The following NOS1AP variants were observed in gnomAD, a reference collection of about 807,000 sequenced individuals.
NOS1AP encodes nitric oxide synthase 1 adaptor protein.
A neutral mutation model predicts 56.2 loss-of-function variants in NOS1AP; 21 were observed. The observed-to-expected ratio is 0.37, with a 90% CI of 0.26 to 0.54. NOS1AP has a LOEUF of 0.54. Ranked by LOEUF, NOS1AP falls within the 20% of genes least tolerant of loss-of-function variation. The pLI, the probability that NOS1AP is intolerant of heterozygous loss-of-function variation, is 0.84. For synonymous variants in NOS1AP, 270 were observed against 274.6 expected (o/e 0.98, Z 0.17); for missense variants, 522 against 657.8 (o/e 0.79, Z 2.26).
intron 2 of NOS1AP, among the ~76,000 whole-genome samples, chr1:162,205,204 A>G (rs1355917971): frequency 6.6e-6 from 1 of 152,252 alleles, no homozygotes; most frequent in African/African-American, 2.4e-5. Context: ...TTATTGAGCA[A>G]ACATTTATTG....
chr1:162,254,263 T>C (rs1653955952), intron 2 of NOS1AP, among the ~76,000 whole-genome samples: 1 of 152,176 alleles, frequency 6.6e-6, no homozygotes, highest in Non-Finnish European at 1.5e-5. Context: ...AAGGCCTTCT[T>C]CTTGTATCAG....
chr1:162,216,644 G>A (rs1652578941), intron 2 of NOS1AP, among the ~76,000 whole-genome samples: 1 of 152,194 alleles, frequency 6.6e-6, no homozygotes, highest in African/African-American at 2.4e-5. Context: ...ATTGCAGATA[G>A]CATGACAAAC....
At chr1:162,206,393 G>A (rs1254369711) in intron 2 of NOS1AP, among the ~76,000 whole-genome samples, 1 of 152,222 alleles carries the variant, frequency 6.6e-6, no homozygotes, top group Non-Finnish European at 1.5e-5. Context: ...ACATCTGCAA[G>A]TCAAATCTGT....
chr1:162,084,977 A>G (rs1349371305), intron 1 of NOS1AP, among the ~76,000 whole-genome samples: 2 of 152,062 alleles, frequency 1.3e-5, no homozygotes, highest in African/African-American at 2.4e-5. Flanking sequence ...AGTGTTTTCT[A>G]TGGTATTTTT....
intron 2 of NOS1AP, among the ~76,000 whole-genome samples, chr1:162,155,288 A>ATATATATGTATATATATG (rs1557808084): frequency 7.0e-6 from 1 of 141,866 alleles, no homozygotes; most frequent in Admixed American, 7.1e-5. Flanking sequence ...ACACATATAT[A>ATATATATGTATATATATG]CATATATATG....
At chr1:162,364,336 G>C (rs1331133030) in intron 8 of NOS1AP, 2 of 985,314 alleles carry the variant, frequency 2.0e-6, no homozygotes, top group Non-Finnish European at 2.4e-6. Context: ...AAATTCATTA[G>C]TTCCCTTTCT....
chr1:162,108,136 C>T (rs749300857), intron 1 of NOS1AP, among the ~76,000 whole-genome samples: 1 of 152,142 alleles, frequency 6.6e-6, no homozygotes, highest in African/African-American at 2.4e-5. Context: ...TGCCAAATAC[C>T]ATTTCCTACA....
chr1:162,300,113 G>A (rs901667158), intron 3 of NOS1AP, among the ~76,000 whole-genome samples: 4 of 152,280 alleles, frequency 2.6e-5, no homozygotes, highest in East Asian at 1.9e-4. Flanking sequence ...CTCTGTCCTT[G>A]CACCTGGAGG....
At chr1:162,093,752 T>C (rs1692182110) in intron 1 of NOS1AP, among the ~76,000 whole-genome samples, 1 of 152,052 alleles carries the variant, frequency 6.6e-6, no homozygotes, top group Admixed American at 6.6e-5. Context: ...GAGGTCTCAC[T>C]ATATTGCCCA....
intron 4 of NOS1AP, among the ~76,000 whole-genome samples, chr1:162,303,510 C>T (rs894105451): frequency 1.3e-5 from 2 of 152,136 alleles, no homozygotes; most frequent in Non-Finnish European, 1.5e-5. Context: ...GGTGTAATCA[C>T]GGCTCACTGC....
intron 2 of NOS1AP, among the ~76,000 whole-genome samples, chr1:162,202,032 T>C (rs1019226844): frequency 6.6e-6 from 1 of 152,152 alleles, no homozygotes; most frequent in Non-Finnish European, 1.5e-5. Context: ...GATTTTAATC[T>C]GGAGAGGGCA....
chr1:162,135,455 C>T (rs537923614), intron 1 of NOS1AP, among the ~76,000 whole-genome samples: 2 of 152,134 alleles, frequency 1.3e-5, no homozygotes, highest in Non-Finnish European at 2.9e-5. Flanking sequence ...AGGACAGGAA[C>T]AGTTGGTACA....
At position 162,088,063 on chromosome 1, in the gene NOS1AP, G is replaced by C. The variant is rs146218478; in HGVS notation, c.105+17781G>C. Among the ~76,000 whole-genome samples, 1,057 of 152,212 alleles carry C rather than the reference G, an allele frequency of 6.9e-3. 9 individuals are homozygous for C. The highest frequency in any genetic ancestry group is 8.9e-3 in the South Asian group (43 of 4,828). On this transcript the variant is annotated intron_variant, in intron 1 of 9. Coordinates refer to ENST00000361897, the MANE Select transcript of NOS1AP (RefSeq NM_014697.3). ...TTTTGAAAAGCATCAGAACTCTATAGGGTCAAATTCTGCGGAAAGGCAAAG... is the reference window on the plus strand; with the variant it reads ...TTTTGAAAAGCATCAGAACTCTATACGGTCAAATTCTGCGGAAAGGCAAAG...
At chr1:162,113,614 G>A (rs1647798279) in intron 1 of NOS1AP, among the ~76,000 whole-genome samples, 1 of 152,118 alleles carries the variant, frequency 6.6e-6, no homozygotes, top group Admixed American at 6.6e-5. Flanking sequence ...TTACATGGCC[G>A]GAACGGGAGG....
At chr1:162,073,042 G>T (rs989615369) in intron 1 of NOS1AP, among the ~76,000 whole-genome samples, 28 of 152,222 alleles carry the variant, frequency 1.8e-4, no homozygotes, top group Admixed American at 1.5e-3. Flanking sequence ...GTTCTGCAGA[G>T]ATTGAAAGGT....
intron 1 of NOS1AP, among the ~76,000 whole-genome samples, chr1:162,145,673 T>C (rs959337905): frequency 2.6e-5 from 4 of 152,178 alleles, no homozygotes; most frequent in African/African-American, 9.7e-5. Flanking sequence ...TTTGGAAAGC[T>C]CCTTTGGTTC....
chr1:162,173,774 C>G (rs541382048), intron 2 of NOS1AP, among the ~76,000 whole-genome samples: 2 of 152,252 alleles, frequency 1.3e-5, no homozygotes, highest in African/African-American at 4.8e-5. Context: ...AGGCACTTCT[C>G]AAAAGAAGAC....
chr1:162,215,059 A>T (rs79460141), intron 2 of NOS1AP, among the ~76,000 whole-genome samples: 20,402 of 152,184 alleles, frequency 0.13, 1,566 homozygotes, highest in South Asian at 0.2. Context: ...TAGGGCTTTT[A>T]TGCTGCATTC....
At chr1:162,139,788 C>T (rs942391330) in intron 1 of NOS1AP, among the ~76,000 whole-genome samples, 7 of 152,018 alleles carry the variant, frequency 4.6e-5, no homozygotes, top group Non-Finnish European at 1.0e-4. Flanking sequence ...GGAGGCAAGC[C>T]GTGTGATTTC....
Sources: allele counts gnomAD v4.1 joint callset (sites outside exome capture counted in the v4.1 genomes callset), GRCh38; gene constraint gnomAD v4.1.1; transcripts MANE v1.5; gene names NCBI Gene and HGNC (gene_info 2026-07-23, HGNC 2026-07-21).